ADCY5: variants seen among roughly 807,000 people sequenced by gnomAD.
ADCY5 encodes the protein adenylate cyclase 5.
In ADCY5, 30 loss-of-function variants were observed where a neutral mutation model predicts 119.7. The observed-to-expected ratio is 0.25, with a 90% CI of 0.19 to 0.34. The LOEUF (loss-of-function observed/expected upper bound fraction) is 0.34. Ranked by LOEUF, ADCY5 falls within the 10% of genes least tolerant of loss-of-function variation. The pLI, the probability that ADCY5 is intolerant of heterozygous loss-of-function variation, is 1.00. For missense variants in ADCY5, 1,324 were observed against 1,775.2 expected (o/e 0.75, Z 4.57); for synonymous variants, 753 against 762.2 (o/e 0.99, Z 0.20).
chr3:123,393,963 G>A (rs1054364427), intron 1 of ADCY5, among the ~76,000 whole-genome samples: 1 of 152,130 alleles, frequency 6.6e-6, no homozygotes, highest in African/African-American at 2.4e-5. Context: ...GTGAAACCCT[G>A]TCTCTACTAA....
Position 123,283,242 on chromosome 3 carries a change from C to G in ADCY5, c.*1366G>C, listed in dbSNP as rs1938488997. ...AACTGAGTAGGCCAGGGAGGCTTGG[C>G]TTCCTCGTCCCAGCCTGCAAAGCAC... On this transcript the variant is annotated 3_prime_UTR_variant, in exon 21 of 21. Transcript: ENST00000462833. The G allele has an allele frequency of 6.6e-6, 1 of 152,204 alleles. No individual in the cohort carries two copies. Among genetic ancestry groups the G allele is most frequent in the African/African-American group, 2.4e-5 (1 of 41,452 alleles). 9.4% of individuals were successfully genotyped at this position (152,204 alleles called of 1,614,324 possible).
intron 12 of ADCY5, among the ~76,000 whole-genome samples, chr3:123,312,490 A>T (rs991900714): frequency 6.6e-5 from 10 of 152,200 alleles, no homozygotes; most frequent in African/African-American, 2.4e-4. Context: ...TATTGCTATC[A>T]ATTTCCAAAA....
At chr3:123,396,981 C>A (rs1944617006) in intron 1 of ADCY5, among the ~76,000 whole-genome samples, 1 of 152,118 alleles carries the variant, frequency 6.6e-6, no homozygotes, top group Non-Finnish European at 1.5e-5. Flanking sequence ...ACAATGTGAG[C>A]TCCCGGAACT....
At chr3:123,312,160 A>G (rs1338726682) in intron 12 of ADCY5, among the ~76,000 whole-genome samples, 1 of 152,244 alleles carries the variant, frequency 6.6e-6, no homozygotes, top group Non-Finnish European at 1.5e-5. Flanking sequence ...GGTTCACCTA[A>G]GCCCCTAACA....
intron 2 of ADCY5, among the ~76,000 whole-genome samples, chr3:123,351,962 C>T (rs1340062630): frequency 1.3e-5 from 2 of 152,216 alleles, no homozygotes; most frequent in African/African-American, 4.8e-5. Context: ...GGGGAATAGC[C>T]AGGTGTGGGG....
chr3:123,300,099 C>T lies in ADCY5; in HGVS notation c.2900+21G>A, dbSNP rs780608809. 35 of 1,611,728 alleles carry T rather than the reference C, an allele frequency of 2.2e-5. 1 individual carries two copies. The Admixed American group carries it at 3.2e-4, about 15-fold the overall frequency. ...GCAATGTCTCATGCCCAGTGGGGAG[C>T]GTGAGGGAGGTGCCCCATACATGGC... On this transcript the variant is annotated intron_variant, in intron 15 of 20. Transcript: ENST00000462833.
At chr3:123,299,445 G>C (rs1174654936) in intron 15 of ADCY5, among the ~76,000 whole-genome samples, 1 of 152,208 alleles carries the variant, frequency 6.6e-6, no homozygotes, top group Non-Finnish European at 1.5e-5. Flanking sequence ...TGTGTCTGAG[G>C]CTGAGATTCT....
At chr3:123,414,422 G>A (rs1945136454) in intron 1 of ADCY5, among the ~76,000 whole-genome samples, 2 of 152,164 alleles carry the variant, frequency 1.3e-5, no homozygotes, top group South Asian at 2.1e-4. Context: ...AATGCTCCTC[G>A]GAAACCATAC....
intron 1 of ADCY5, among the ~76,000 whole-genome samples, chr3:123,370,384 G>A (rs901733374): frequency 1.2e-4 from 18 of 152,208 alleles, no homozygotes; most frequent in African/African-American, 3.6e-4. Flanking sequence ...CTGGGCACAT[G>A]GCTGCCCAGC....
chr3:123,390,417 C>T (rs1944370722), intron 1 of ADCY5, among the ~76,000 whole-genome samples: 1 of 152,206 alleles, frequency 6.6e-6, no homozygotes, highest in African/African-American at 2.4e-5. Context: ...CATGGAGGGC[C>T]ACCTCCTCAT....
At chr3:123,402,525 G>A (rs542852907) in intron 1 of ADCY5, among the ~76,000 whole-genome samples, 10 of 152,358 alleles carry the variant, frequency 6.6e-5, no homozygotes, top group African/African-American at 2.4e-4. Context: ...AGGAAGAGCA[G>A]CTCATAGGAC....
intron 1 of ADCY5, among the ~76,000 whole-genome samples, chr3:123,362,031 A>G (rs1237419725): frequency 6.6e-6 from 1 of 152,216 alleles, no homozygotes; most frequent in Non-Finnish European, 1.5e-5. Flanking sequence ...AATATTCCAC[A>G]GCACAGATCT....
At chr3:123,385,370 TAGAGGGGATGGAGAAAGG>T (rs1439681091) in intron 1 of ADCY5, among the ~76,000 whole-genome samples, 1 of 151,780 alleles carries the variant, frequency 6.6e-6, no homozygotes, top group African/African-American at 2.4e-5. Flanking sequence ...GCAGGGCAAG[TAGAGGGGATGGAGAAAGG>T]AGAGGGAGGG....
chr3:123,388,475 T>G (rs990259978), intron 1 of ADCY5, among the ~76,000 whole-genome samples: 1 of 152,076 alleles, frequency 6.6e-6, no homozygotes, highest in Non-Finnish European at 1.5e-5. Context: ...GTACACATGA[T>G]GGGTTTAAGG....
chr3:123,338,502 C>A (rs898204313), intron 3 of ADCY5, among the ~76,000 whole-genome samples: 12 of 152,210 alleles, frequency 7.9e-5, no homozygotes, highest in Non-Finnish European at 1.2e-4. Context: ...CCTGATCTGC[C>A]CCGGAGTAAC....
At position 123,396,779 on chromosome 3, in the gene ADCY5, AAGGCAGGC is replaced by A. The variant is rs1195206250; in HGVS notation, c.1135-44206_1135-44199del. Among the ~76,000 whole-genome samples, 405 of 69,818 alleles carry A rather than the reference AAGGCAGGC, an allele frequency of 5.8e-3. 7 individuals are homozygous for A. The highest frequency in any genetic ancestry group is 7.1e-3 in the Non-Finnish European group (254 of 35,836). 45.8% of individuals were successfully genotyped at this position (69,818 alleles called of 152,430 possible). On this transcript the variant is annotated intron_variant, in intron 1 of 20. Coordinates refer to ENST00000462833, the MANE Select transcript of ADCY5 (RefSeq NM_183357.3). ...GAAGGAAGGAAGGAAGGAAGGAAGG[AAGGCAGGC>A]AGGCAGGCAGGCAGGCAGGCAGGCA...
chr3:123,363,871 T>C (rs1340588672), intron 1 of ADCY5, among the ~76,000 whole-genome samples: 1 of 152,216 alleles, frequency 6.6e-6, no homozygotes, highest in Non-Finnish European at 1.5e-5. Flanking sequence ...ATTACACCAC[T>C]GAACTCCAGC....
At chr3:123,346,932 C>G (rs977084764) in intron 3 of ADCY5, among the ~76,000 whole-genome samples, 4 of 152,158 alleles carry the variant, frequency 2.6e-5, no homozygotes, top group Non-Finnish European at 4.4e-5. Context: ...AGATTTTGCA[C>G]TCTATTAATC....
chr3:123,312,579 T>G (rs1478930587), intron 12 of ADCY5, among the ~76,000 whole-genome samples: 1 of 152,252 alleles, frequency 6.6e-6, no homozygotes, highest in Non-Finnish European at 1.5e-5. Flanking sequence ...CCACTGGGAA[T>G]CTCTGGTCTG....
Sources: gnomAD v4.1 joint callset for allele counts (sites outside exome capture counted in the v4.1 genomes callset) on GRCh38, gnomAD v4.1.1 for gene constraint, MANE v1.5 for transcripts, NCBI Gene and HGNC (gene_info 2026-07-23, HGNC 2026-07-21) for gene names.